ADD3: variants seen among roughly 807,000 people sequenced by gnomAD.
ADD3 encodes the protein gamma-adducin.
ADD3 carries 25 observed loss-of-function variants against 80.2 expected under a neutral mutation model. The ratio of observed to expected loss-of-function variants is 0.31; its 90% CI spans 0.23 to 0.44. The LOEUF (loss-of-function observed/expected upper bound fraction) is 0.44, where lower values mean the gene tolerates loss of function less well. Ranked by LOEUF, ADD3 falls within the 20% of genes least tolerant of loss-of-function variation. The pLI, the probability that ADD3 is intolerant of heterozygous loss-of-function variation, is 1.00. For missense variants in ADD3, 829 were observed against 847.5 expected (o/e 0.98, Z 0.27); for synonymous variants, 284 against 289.6 (o/e 0.98, Z 0.20).
At chr10:110,122,945 A>G in intron 9 of ADD3, among the ~76,000 whole-genome samples, 1 of 152,028 alleles carries the variant, frequency 6.6e-6, no homozygotes, top group South Asian at 2.1e-4. Context: ...TCAACTTTTT[A>G]AGACTCTGTA....
At chr10:110,065,097 C>T (rs900965423) in intron 1 of ADD3, among the ~76,000 whole-genome samples, 1 of 152,054 alleles carries the variant, frequency 6.6e-6, no homozygotes, top group Non-Finnish European at 1.5e-5. Flanking sequence ...TTCTTCCATC[C>T]CAGCCTGCCC....
intron 1 of ADD3, among the ~76,000 whole-genome samples, chr10:110,028,236 G>A (rs1397605182): frequency 1.3e-5 from 2 of 152,184 alleles, no homozygotes; most frequent in Non-Finnish European, 2.9e-5. Flanking sequence ...TATGAGACAG[G>A]AAAAGAGAGG....
intron 10 of ADD3, among the ~76,000 whole-genome samples, chr10:110,124,641 G>T (rs1490996788): frequency 6.6e-6 from 1 of 152,168 alleles, no homozygotes; most frequent in Admixed American, 6.5e-5. Flanking sequence ...TACACCAGTA[G>T]TTTAATTCAC....
intron 1 of ADD3, among the ~76,000 whole-genome samples, chr10:110,081,686 C>T (rs539658982): frequency 2.4e-4 from 36 of 152,244 alleles, no homozygotes; most frequent in African/African-American, 8.7e-4. Flanking sequence ...GTATAAAAAA[C>T]TGTTGGAATT....
chr10:110,042,116 GA>G (rs1401410220), intron 1 of ADD3, among the ~76,000 whole-genome samples: 1 of 152,148 alleles, frequency 6.6e-6, no homozygotes, highest in Non-Finnish European at 1.5e-5. Context: ...TAAACTTTGT[GA>G]TTAGATCTTT....
intron 1 of ADD3, among the ~76,000 whole-genome samples, chr10:110,033,654 T>G (rs1328454020): frequency 6.6e-6 from 1 of 152,214 alleles, no homozygotes; most frequent in African/African-American, 2.4e-5. Flanking sequence ...TAATTTTTAA[T>G]TTAAAAATTC....
intron 2 of ADD3, among the ~76,000 whole-genome samples, chr10:110,106,913 C>A (rs1849459949): frequency 6.6e-6 from 1 of 151,998 alleles, no homozygotes; most frequent in Non-Finnish European, 1.5e-5. Context: ...TATGGGTAGG[C>A]CTAATTAGAC....
intron 2 of ADD3, among the ~76,000 whole-genome samples, chr10:110,103,178 T>C (rs1590132993): frequency 6.6e-6 from 1 of 152,240 alleles, no homozygotes; most frequent in East Asian, 1.9e-4. Flanking sequence ...TAAGTTTCTT[T>C]TAATGCAACA....
At chr10:110,123,055 T>C (rs1851714518) in intron 9 of ADD3, among the ~76,000 whole-genome samples, 1 of 152,246 alleles carries the variant, frequency 6.6e-6, no homozygotes, top group Non-Finnish European at 1.5e-5. Context: ...TTGACAGAAT[T>C]TCTTTTTTAA....
At chr10:110,030,697 C>T (rs1193105064) in intron 1 of ADD3, among the ~76,000 whole-genome samples, 3 of 151,408 alleles carry the variant, frequency 2.0e-5, no homozygotes, top group African/African-American at 4.8e-5. Flanking sequence ...AGATGTGCTG[C>T]AATTATAAAA....
chr10:110,044,003 T>C (rs1357918063), intron 1 of ADD3, among the ~76,000 whole-genome samples: 1 of 152,052 alleles, frequency 6.6e-6, no homozygotes, highest in Non-Finnish European at 1.5e-5. Context: ...GGTCAAGAGT[T>C]CAAGACCAGT....
upstream of ADD3, chr10:110,005,690 C>G (rs1430998536): frequency 6.6e-6 from 1 of 152,174 alleles, no homozygotes; most frequent in Non-Finnish European, 1.5e-5. Flanking sequence ...TAGCAGGGCT[C>G]TTTAAAACTG....
chr10:110,122,808 T>G (rs533484620), intron 9 of ADD3, among the ~76,000 whole-genome samples: 2 of 151,934 alleles, frequency 1.3e-5, no homozygotes, highest in Admixed American at 1.3e-4. Context: ...TTTTTTTTAC[T>G]TTTTGTAGAG....
intron 1 of ADD3, among the ~76,000 whole-genome samples, chr10:110,017,313 A>G (rs1364148211): frequency 6.6e-6 from 1 of 152,224 alleles, no homozygotes; most frequent in Admixed American, 6.5e-5. Context: ...TTTTTAAGGA[A>G]GTGGTAACAT....
At chr10:109,997,066 T>C (rs1851394639) in intron 1 of ADD3, among the ~76,000 whole-genome samples, 1 of 152,314 alleles carries the variant, frequency 6.6e-6, no homozygotes, top group South Asian at 2.1e-4. Context: ...CAGGAATTTA[T>C]TGGAAGAATA....
chr10:110,019,741 T>C (rs74154959), intron 1 of ADD3, among the ~76,000 whole-genome samples: 1,618 of 152,308 alleles, frequency 0.011, 32 homozygotes, highest in African/African-American at 0.038. Flanking sequence ...TGATTATGCT[T>C]CTGAAGAAGC....
intron 1 of ADD3, among the ~76,000 whole-genome samples, chr10:110,000,296 C>A (rs371339416): frequency 1.3e-5 from 2 of 152,310 alleles, no homozygotes; most frequent in East Asian, 3.9e-4. Flanking sequence ...GAACTATCTG[C>A]TGTAAATAAT....
intron 1 of ADD3, among the ~76,000 whole-genome samples, chr10:110,010,269 G>C (rs909689570): frequency 1.3e-5 from 2 of 152,172 alleles, no homozygotes; most frequent in Non-Finnish European, 2.9e-5. Flanking sequence ...GAGTGCTTTT[G>C]TCACATGTAA....
chr10:110,110,793 G>C (rs1000694055), intron 2 of ADD3, among the ~76,000 whole-genome samples: 1 of 151,770 alleles, frequency 6.6e-6, no homozygotes, highest in Non-Finnish European at 1.5e-5. Flanking sequence ...ACAGGAGTTT[G>C]AGACCAACCT....
Sources: allele counts gnomAD v4.1 joint callset (sites outside exome capture counted in the v4.1 genomes callset), GRCh38; gene constraint gnomAD v4.1.1; transcripts MANE v1.5; gene names NCBI Gene and HGNC (gene_info 2026-07-23, HGNC 2026-07-21).